Variants in TRIM16 observed in about 807,000 individuals in gnomAD.
TRIM16 encodes the protein tripartite motif containing 16.
In TRIM16, 33 loss-of-function variants were observed where a neutral mutation model predicts 50.4. That is an observed-to-expected ratio of 0.65 (90% confidence interval 0.50 to 0.88). The LOEUF is 0.88. Among genes scored for constraint, TRIM16 ranks in the 40% least tolerant of loss-of-function variants. The pLI is 0.00. For synonymous variants in TRIM16, 229 were observed against 270.7 expected, an observed-to-expected ratio of 0.85 and a Z score of 1.51; for missense variants, 581 against 686.8, an observed-to-expected ratio of 0.85 and a Z score of 1.72.
chr17:15,670,043 C>T (rs2601970), intron 6 of TRIM16, among the ~76,000 whole-genome samples: 37 of 152,212 alleles, frequency 2.4e-4, no homozygotes, highest in African/African-American at 8.0e-4. Flanking sequence ...AAGGTGTTCA[C>T]TCATTCACTC....
At chr17:15,631,443 A>C (rs1210033231) in intron 11 of TRIM16, among the ~76,000 whole-genome samples, 176 bp downstream of exon 11, 2 of 152,236 alleles carry the variant, frequency 1.3e-5, no homozygotes, top group African/African-American at 4.8e-5. Flanking sequence ...GTTTCATATT[A>C]TTTCAAAATG....
intron 8 of TRIM16, among the ~76,000 whole-genome samples, chr17:15,638,258 TAAAAA>T (rs535590168): frequency 1.7e-5 from 2 of 115,078 alleles, no homozygotes; most frequent in African/African-American, 7.1e-5. Context: ...AAAATAAATT[TAAAAA>T]AAAAAAAAAA....
Position 15,636,233 on chromosome 17 carries a change from G to T in TRIM16, c.652C>A (p.Gln218Lys). The change falls in exon 9 of 12, where the codon CAG becomes AAG. Residue 218 changes from glutamine to lysine, a missense_variant. Physicochemically the swap from Gln to Lys is moderately conservative, Grantham distance 53. This residue lies in a region of TRIM16 where 450 missense variants were observed against 544.3 expected (regional missense o/e 0.83). Coordinates refer to ENST00000649191, the MANE Select transcript of TRIM16 (RefSeq NM_001348119.1). ...VSEVKAVAEM[Q>K]FGELLAAVRK... ...ACAGCAGCAAGGAGTTCCCCAAACT[G>T]CATTTCAGCCACCGCTTTGACCTCT... 3 of 1,608,682 alleles carry T rather than the reference G, an allele frequency of 1.9e-6. No homozygotes were observed. Among genetic ancestry groups the T allele is most frequent in the Non-Finnish European group, 1.7e-6 (2 of 1,178,238 alleles).
chr17:15,642,284 A>G (rs116768652), intron 8 of TRIM16, among the ~76,000 whole-genome samples: 8,343 of 148,728 alleles, frequency 0.056, 1,222 homozygotes, highest in African/African-American at 0.2. Flanking sequence ...ACCATCAGTA[A>G]TCCTGAGTTC....
chr17:15,651,906 C>A lies in TRIM16; in HGVS notation c.-297G>T, dbSNP rs1352354334. 1.5e-6 allele frequency: 2 copies of A among 1,336,912 alleles called. No individual in the cohort carries two copies. The highest frequency in any genetic ancestry group is 6.5e-5 in the East Asian group (2 of 30,694). 82.8% of individuals were successfully genotyped at this position (1,336,912 alleles called of 1,614,324 possible). A position where few individuals can be genotyped will look rare whatever the true frequency, so the allele number is the denominator to read the frequency against. On this transcript the variant is annotated 5_prime_UTR_variant, in exon 7 of 12. Coordinates refer to ENST00000649191, the MANE Select transcript of TRIM16 (RefSeq NM_001348119.1). The stretch of plus-strand genomic sequence containing the variant: ...CTATTCTTATGTGAATCATCTGAAC[C>A]CCATAGGCTCTGCTGAAGACCACGT...
chr17:15,676,580 T>C (rs163390), intron 6 of TRIM16, among the ~76,000 whole-genome samples: 115,194 of 150,662 alleles, frequency 0.76, 44,318 homozygotes, highest in South Asian at 0.85. Context: ...GGACTACAGG[T>C]GCCCGCCACC....
chr17:15,639,286 T>C (rs1176103062), intron 8 of TRIM16, among the ~76,000 whole-genome samples: 1 of 146,684 alleles, frequency 6.8e-6, no homozygotes, highest in Non-Finnish European at 1.5e-5. Context: ...CCTCAAGCAA[T>C]CTGCCGTCCT....
At position 15,682,944 on chromosome 17, in the gene TRIM16, C is replaced by A; in HGVS notation, c.-769G>T. The A allele has an allele frequency of 1.3e-6, 2 of 1,539,936 alleles. No individual in the cohort carries two copies. The highest frequency in any genetic ancestry group is 8.8e-7 in the Non-Finnish European group (1 of 1,142,624). On this transcript the variant is annotated 5_prime_UTR_variant, in exon 3 of 12. Transcript: ENST00000649191. Reference sequence around the variant, plus strand: ...CTCTGTGCTGCCCACACACATTTTACAAGGTTGCTGTAAAGAAAAACTAAA... The same window carrying A: ...CTCTGTGCTGCCCACACACATTTTAAAAGGTTGCTGTAAAGAAAAACTAAA...
rs1410358397 is a variant in TRIM16, at chr17:15,683,112, C to T, written c.-853G>A. ...CACTATTTGGGTGTAGCAACCTTTC[C>T]GTTCTCCACGTATCTTCCTGGAAAT... On this transcript the variant is annotated 5_prime_UTR_variant, in exon 2 of 12. Coordinates refer to ENST00000649191, the MANE Select transcript of TRIM16 (RefSeq NM_001348119.1). The T allele has an allele frequency of 3.2e-6, 5 of 1,550,538 alleles. No homozygotes were observed. In the Admixed American group the frequency reaches 5.9e-5, roughly 18 times the overall value.
intron 4 of TRIM16, among the ~76,000 whole-genome samples, chr17:15,679,715 A>G (rs1989100215): frequency 1.3e-5 from 2 of 152,190 alleles, no homozygotes; most frequent in Admixed American, 1.3e-4. Context: ...AGGCGGGCAG[A>G]TCACAAGGTC....
intron 3 of TRIM16, among the ~76,000 whole-genome samples, chr17:15,682,508 C>T (rs1989223252): frequency 6.6e-6 from 1 of 152,204 alleles, no homozygotes; most frequent in African/African-American, 2.4e-5. Flanking sequence ...AGACAAAGCG[C>T]TTTTTAAGAG....
chr17:15,630,584 G>C (rs1382664205), intron 11 of TRIM16, among the ~76,000 whole-genome samples: 1 of 152,252 alleles, frequency 6.6e-6, no homozygotes, highest in Non-Finnish European at 1.5e-5. Flanking sequence ...TGAGATGGGA[G>C]AATCACTTGA....
chr17:15,664,757 G>A (rs2012604), intron 6 of TRIM16, among the ~76,000 whole-genome samples: 6,761 of 152,162 alleles, frequency 0.044, 191 homozygotes, highest in African/African-American at 0.076. Context: ...GAAACAGGCC[G>A]GGCGCGGTGG....
At chr17:15,668,690 T>C (rs1988605874) in intron 6 of TRIM16, among the ~76,000 whole-genome samples, 1 of 152,170 alleles carries the variant, frequency 6.6e-6, no homozygotes, top group African/African-American at 2.4e-5. Context: ...CTTCCCATCC[T>C]TCTTCACCAA....
intron 8 of TRIM16, among the ~76,000 whole-genome samples, chr17:15,641,848 T>G (rs1987130052): frequency 6.8e-6 from 1 of 147,990 alleles, no homozygotes; most frequent in African/African-American, 2.5e-5. Context: ...TGTTTTGCAT[T>G]CTCTCTTTTT....
At chr17:15,646,647 T>A (rs1987392423) in intron 7 of TRIM16, among the ~76,000 whole-genome samples, 1 of 144,678 alleles carries the variant, frequency 6.9e-6, no homozygotes, top group Non-Finnish European at 1.5e-5. Flanking sequence ...ACACAAAGAG[T>A]GGCAGCCAGG....
rs185490184 is a variant in TRIM16, at chr17:15,634,488, G to A, written c.849+1548C>T. On this transcript the variant is annotated intron_variant, in intron 9 of 11. Transcript: ENST00000649191. ...CTACTAAAAATACAAAAAATTAGCC[G>A]GGCATGGTGGCCCATGCTTGTAATC... 2.0e-5 allele frequency among the ~76,000 whole-genome samples: 3 copies of A among 147,792 alleles called. 1 individual carries two copies. The highest frequency in any genetic ancestry group is 2.5e-5 in the African/African-American group (1 of 39,760).
intron 10 of TRIM16, 175 bp from the exon 11 acceptor site, chr17:15,631,889 T>C (rs1263739241): frequency 6.3e-6 from 4 of 632,882 alleles, no homozygotes; most frequent in Non-Finnish European, 1.1e-5. Context: ...AGGTAAGGCA[T>C]AAACCACTGA....
chr17:15,673,937 T>C (rs1293979879), intron 6 of TRIM16, among the ~76,000 whole-genome samples: 1 of 152,190 alleles, frequency 6.6e-6, no homozygotes, highest in Non-Finnish European at 1.5e-5. Context: ...ATAGTTACTA[T>C]GTAAGGCTGA....
Sources: gnomAD v4.1 joint callset for allele counts (sites outside exome capture counted in the v4.1 genomes callset) on GRCh38, gnomAD v4.1.1 for gene constraint, gnomAD v4.1.1 regional missense constraint, MANE v1.5 for transcripts, NCBI Gene and HGNC (gene_info 2026-07-23, HGNC 2026-07-21) for gene names.